The following PIEZO2 variants were observed in gnomAD, a reference collection of about 807,000 sequenced individuals.
PIEZO2 encodes piezo type mechanosensitive ion channel component 2.
In PIEZO2, 172 loss-of-function variants were observed where a neutral mutation model predicts 337.3. The observed-to-expected ratio is 0.51, with a 90% CI of 0.45 to 0.58. PIEZO2 has a LOEUF of 0.58. PIEZO2 is among the 20% of genes least tolerant of loss of function. The pLI is 0.00. For synonymous variants in PIEZO2, 1,251 were observed against 1,228.5 expected, an observed-to-expected ratio of 1.02 and a Z score of -0.38; for missense variants, 3,028 against 3,391.3, an observed-to-expected ratio of 0.89 and a Z score of 2.66.
At chr18:10,787,205 A>C in intron 15 of PIEZO2, 21 bp from the exon 16 acceptor site, 8 of 1,489,588 alleles carry the variant, frequency 5.4e-6, no homozygotes, top group Non-Finnish European at 7.1e-6. Flanking sequence ...GACATTGAAA[A>C]AAAAAAATGA....
intron 53 of PIEZO2, 28 bp from the exon 54 acceptor site, chr18:10,675,316 T>A (rs780581823): frequency 3.6e-6 from 5 of 1,369,942 alleles, no homozygotes; most frequent in Non-Finnish European, 4.9e-6. Context: ...AAAGATACAA[T>A]TACGTTTTAG....
Position 10,761,081 on chromosome 18 carries a change from A to G in PIEZO2, c.3280T>C (p.Phe1094Leu). The change falls in exon 24 of 56, where the codon TTT becomes CTT. Residue 1094 changes from phenylalanine to leucine, a missense_variant. Phe to Leu is a conservative substitution (Grantham distance 22). Around this residue, in one of 5 missense-constraint regions of PIEZO2, gnomAD observed 1,925 missense variants for 2,051.9 expected, o/e 0.94. Coordinates refer to ENST00000674853, the MANE Select transcript of PIEZO2 (RefSeq NM_001378183.1). ...TGATGGCGGTAAATGGTGACTTCAAAGGCCAGGATAGCCAGCATCAGGAGG... is the reference window on the plus strand; with the variant it reads ...TGATGGCGGTAAATGGTGACTTCAAGGGCCAGGATAGCCAGCATCAGGAGG... ...NNLLMLAILA[F>L]EVTIYRHQEY... The G allele has an allele frequency of 1.3e-6, 2 of 1,537,262 alleles. No homozygotes were observed. The highest frequency in any genetic ancestry group is 3.3e-4 in the Middle Eastern group (2 of 5,990).
Position 10,877,382 on chromosome 18 carries a change from T to C in PIEZO2, c.330-5967A>G, listed in dbSNP as rs552434678. On this transcript the variant is annotated intron_variant, in intron 4 of 55. Transcript: ENST00000674853. The surrounding 1 kb of genome is among the most constrained non-coding windows in gnomAD (Gnocchi z 5.3). ...AAGAAATGGTTTTAAGGGCAAATAA[T>C]GTAATGCCCAGTCCAACTCGTCCGC... Among the ~76,000 whole-genome samples, 20 of 152,352 alleles carry C rather than the reference T, an allele frequency of 1.3e-4. No individual in the cohort carries two copies. The highest frequency in any genetic ancestry group is 4.8e-4 in the African/African-American group (20 of 41,584).
rs147445831 is a variant in PIEZO2 at position 11,136,143 on chromosome 18, G to A, written c.64+12382C>T. Among the ~76,000 whole-genome samples the A allele has an allele frequency of 2.6e-5, 4 of 152,290 alleles. No homozygotes were observed. The East Asian group carries it at 7.7e-4, about 29-fold the overall frequency. On this transcript the variant is annotated intron_variant, in intron 1 of 55. Transcript: ENST00000674853. Reference sequence around the variant, plus strand: ...GTTGCACTTTGACAGTGACTTTAACGTTTGAAAACAGCTCAAAATAGTGAT... The same window carrying A: ...GTTGCACTTTGACAGTGACTTTAACATTTGAAAACAGCTCAAAATAGTGAT...
At chr18:10,925,615 T>C (rs1230295245) in intron 3 of PIEZO2, among the ~76,000 whole-genome samples, 1 of 152,220 alleles carries the variant, frequency 6.6e-6, no homozygotes, top group African/African-American at 2.4e-5. Flanking sequence ...AGTCTCCCTC[T>C]GTCCCCCAGA....
intron 2 of PIEZO2, among the ~76,000 whole-genome samples, chr18:11,055,506 G>A (rs1052402520): frequency 2.6e-5 from 4 of 152,216 alleles, no homozygotes; most frequent in African/African-American, 7.2e-5. Context: ...ATTCTGGGAG[G>A]AGGCCATCAT....
intron 3 of PIEZO2, among the ~76,000 whole-genome samples, chr18:10,977,301 C>CATATATATAT (rs111865766): frequency 6.9e-6 from 1 of 145,644 alleles, no homozygotes; most frequent in African/African-American, 2.5e-5. Flanking sequence ...GAATAAGTTA[C>CATATATATAT]ATATATATAT....
chr18:10,698,015 C>CATTTGTGAACAATTA, intron 44 of PIEZO2, 135 bp from the exon 45 acceptor site: 30 of 132,110 alleles, frequency 2.3e-4, no homozygotes, highest in South Asian at 4.3e-4. Flanking sequence ...GTATGCACGG[C>CATTTGTGAACAATTA]CTTGGGATTT....
intron 1 of PIEZO2, among the ~76,000 whole-genome samples, chr18:11,106,152 T>C (rs2039552797): frequency 6.6e-6 from 1 of 152,068 alleles, no homozygotes; most frequent in Non-Finnish European, 1.5e-5. Context: ...CAGTGGTGCA[T>C]CTGGGCTCAC....
chr18:10,928,336 G>C (rs2031876851), intron 3 of PIEZO2, among the ~76,000 whole-genome samples: 3 of 152,256 alleles, frequency 2.0e-5, no homozygotes, highest in South Asian at 4.1e-4. Context: ...ACAGAGGCAT[G>C]GCCGCTCCAA....
At chr18:10,934,246 T>A (rs565112414) in intron 3 of PIEZO2, among the ~76,000 whole-genome samples, 40 of 152,324 alleles carry the variant, frequency 2.6e-4, no homozygotes, top group African/African-American at 9.1e-4. Context: ...ATGGAGGTAG[T>A]GACTACTGTA....
At position 10,875,490 on chromosome 18, in the gene PIEZO2, T is replaced by A. The variant is rs555034389; in HGVS notation, c.330-4075A>T. On this transcript the variant is annotated intron_variant, in intron 4 of 55. Transcript: ENST00000674853. ...AGAAAAAAGGCCAGGCTTGGGTGGC[T>A]GTTTCGGTGTGGGGCTGAGGTCAGG... is the stretch of plus-strand genomic sequence containing the variant. Among the ~76,000 whole-genome samples the A allele has an allele frequency of 3.9e-5, 6 of 152,288 alleles. No homozygotes were observed. The South Asian group carries it at 1.2e-3, about 32-fold the overall frequency.
At chr18:10,970,902 G>C (rs889878574) in intron 3 of PIEZO2, among the ~76,000 whole-genome samples, 1 of 152,162 alleles carries the variant, frequency 6.6e-6, no homozygotes, top group African/African-American at 2.4e-5. Context: ...TCTGCTTTTA[G>C]AGAAACATAA....
In PIEZO2 at chr18:11,016,472, C is replaced by T. The variant is rs1206252071; in HGVS notation, c.161-36812G>A. On this transcript the variant is annotated intron_variant, in intron 2 of 55. Coordinates refer to ENST00000674853, the MANE Select transcript of PIEZO2 (RefSeq NM_001378183.1). This position sits in a 1 kb window ranked among gnomAD's most constrained non-coding sequence, Gnocchi z 5.6. Reference sequence around the variant, plus strand: ...AGAGAGAAAGTGAACCCCTAGGAACCCCCTGCAAAGGGTGGGTATGAGGGG... The same window carrying T: ...AGAGAGAAAGTGAACCCCTAGGAACTCCCTGCAAAGGGTGGGTATGAGGGG... Among the ~76,000 whole-genome samples the T allele has an allele frequency of 1.3e-5, 2 of 152,128 alleles. No individual in the cohort carries two copies. The highest frequency in any genetic ancestry group is 2.4e-5 in the African/African-American group (1 of 41,416).
At chr18:10,911,966 A>C (rs1033108480) in intron 3 of PIEZO2, among the ~76,000 whole-genome samples, 4 of 152,286 alleles carry the variant, frequency 2.6e-5, no homozygotes, top group African/African-American at 9.6e-5. Context: ...AATTTTGTGG[A>C]GCAATCTGGA....
rs529699503 is a variant in PIEZO2 at position 10,859,431 on chromosome 18, G to A, written c.493-2220C>T. 3.2e-4 allele frequency among the ~76,000 whole-genome samples: 49 copies of A among 152,308 alleles called. No individual in the cohort carries two copies. The Middle Eastern group carries it at 0.017, about 53-fold the overall frequency. ...AGCTGGCCTGCCACGCACGCACTCT[G>A]CCCTCCTCCTGTAACAAGACAAGCT... On this transcript the variant is annotated intron_variant, in intron 5 of 55. Transcript: ENST00000674853. This position sits in a 1 kb window ranked among gnomAD's most constrained non-coding sequence, Gnocchi z 4.9.
chr18:11,045,167 G>A (rs1056635975), intron 2 of PIEZO2, among the ~76,000 whole-genome samples: 4 of 151,638 alleles, frequency 2.6e-5, no homozygotes, highest in Non-Finnish European at 4.4e-5. Flanking sequence ...CATGGTGGCA[G>A]GCGACTGTAG....
chr18:10,809,724 T>C (rs1458827582), intron 7 of PIEZO2, among the ~76,000 whole-genome samples: 3 of 152,206 alleles, frequency 2.0e-5, no homozygotes, highest in Non-Finnish European at 4.4e-5. Flanking sequence ...TACTCAATGT[T>C]TGTTTCCCAG....
rs73400576 is a variant in PIEZO2, at chr18:11,109,832, C to T, written c.64+38693G>A. 0.033 allele frequency among the ~76,000 whole-genome samples: 5,043 copies of T among 152,190 alleles called. 278 individuals are homozygous for T. Among genetic ancestry groups the T allele is most frequent in the African/African-American group, 0.11 (4,701 of 41,514 alleles). The stretch of plus-strand genomic sequence containing the variant: ...GAAATCTTAGATATACAGATTTTTC[C>T]ACAGATCTTTCTTTTCTTGCTTTCC... On this transcript the variant is annotated intron_variant, in intron 1 of 55. Coordinates refer to ENST00000674853, the MANE Select transcript of PIEZO2 (RefSeq NM_001378183.1). The surrounding 1 kb of genome is among the most constrained non-coding windows in gnomAD (Gnocchi z 5.1).
Sources: gnomAD v4.1 joint callset for allele counts (sites outside exome capture counted in the v4.1 genomes callset) on GRCh38, gnomAD v4.1.1 for gene constraint, gnomAD v4.1.1 regional missense constraint, Gnocchi (gnomAD v3.1) non-coding constraint, MANE v1.5 for transcripts, NCBI Gene and HGNC (gene_info 2026-07-23, HGNC 2026-07-21) for gene names.